SORL1: variants seen among roughly 807,000 people sequenced by gnomAD.
The protein encoded by SORL1 is sortilin related receptor 1, also known as sortilin-related receptor.
SORL1 carries 127 observed loss-of-function variants against 273.7 expected under a neutral mutation model. That is an observed-to-expected ratio of 0.46 (90% CI 0.40 to 0.54). The LOEUF (loss-of-function observed/expected upper bound fraction) is 0.54. SORL1 is among the 20% of genes least tolerant of loss of function. The probability of loss-of-function intolerance (pLI) is 0.00; values close to 1 mark genes in which losing one functional copy is unlikely to be tolerated. For synonymous variants in SORL1, 1,031 were observed against 1,067.4 expected (o/e 0.97, Z 0.66); for missense variants, 2,494 against 2,846.1 (o/e 0.88, Z 2.81).
At chr11:121,541,485 C>T (rs1372873071) in intron 12 of SORL1, among the ~76,000 whole-genome samples, 5 of 152,206 alleles carry the variant, frequency 3.3e-5, no homozygotes, top group African/African-American at 9.7e-5. Context: ...GCTGGGATTA[C>T]AGGCATGTGC....
At chr11:121,543,406 C>T (rs1862376787) in intron 12 of SORL1, 142 bp from the exon 13 acceptor site, 2 of 655,636 alleles carry the variant, frequency 3.1e-6, no homozygotes, top group Admixed American at 5.1e-5. Flanking sequence ...TGAGCATTTC[C>T]TTAAACTTTC....
rs140677876 is a variant in SORL1, at chr11:121,555,682, TATA to T, written c.2571+367_2571+369del. Among the ~76,000 whole-genome samples, 1,663 of 152,318 alleles carry T rather than the reference TATA, an allele frequency of 0.011. 58 individuals are homozygous for T. The East Asian group carries it at 0.13, about 12-fold the overall frequency. On this transcript the variant is annotated intron_variant, in intron 18 of 47. Transcript: ENST00000260197. ...CATCAGCCTAATATCATGGTATTAT[TATA>T]ATGCTATAACAATAATCGTCTAGTA...
chr11:121,579,462 C>T (rs1049181660), intron 25 of SORL1, among the ~76,000 whole-genome samples: 7 of 152,188 alleles, frequency 4.6e-5, no homozygotes, highest in South Asian at 4.1e-4. Context: ...CTTTTCTTTT[C>T]GCCACTTTTA....
intron 1 of SORL1, among the ~76,000 whole-genome samples, chr11:121,458,916 G>A (rs978803762): frequency 3.3e-5 from 5 of 152,126 alleles, no homozygotes; most frequent in Non-Finnish European, 7.3e-5. Flanking sequence ...ACTGCGTAAC[G>A]ATCACAAGTA....
intron 32 of SORL1, among the ~76,000 whole-genome samples, chr11:121,601,833 C>A (rs903660919): frequency 1.3e-5 from 2 of 152,132 alleles, no homozygotes; most frequent in Non-Finnish European, 2.9e-5. Context: ...TATATTTGAC[C>A]ACATTGTTAC....
intron 43 of SORL1, among the ~76,000 whole-genome samples, chr11:121,620,627 C>T (rs1308442465): frequency 6.6e-6 from 1 of 152,142 alleles, no homozygotes; most frequent in East Asian, 1.9e-4. Context: ...CCCCCCTATA[C>T]CCAGAAGCAG....
chr11:121,552,844 G>A (rs973476378), intron 16 of SORL1, among the ~76,000 whole-genome samples: 12 of 152,168 alleles, frequency 7.9e-5, no homozygotes, highest in African/African-American at 2.9e-4. Flanking sequence ...AAAGAATTCC[G>A]ATTTGCATCT....
At chr11:121,478,371 G>A (rs1226391586) in intron 3 of SORL1, 128 bp downstream of exon 3, 1 of 1,106,138 alleles carries the variant, frequency 9.0e-7, no homozygotes, top group African/African-American at 1.6e-5. Flanking sequence ...TGGCTAGTGA[G>A]TTTTTGTGCT....
intron 41 of SORL1, among the ~76,000 whole-genome samples, chr11:121,617,372 G>C (rs983664460): frequency 6.6e-6 from 1 of 152,200 alleles, no homozygotes; most frequent in Non-Finnish European, 1.5e-5. Flanking sequence ...ATAATGTTAT[G>C]CCAGAGTCAA....
intron 37 of SORL1, among the ~76,000 whole-genome samples, chr11:121,607,558 T>C (rs977895285): frequency 6.6e-6 from 1 of 152,226 alleles, no homozygotes; most frequent in Non-Finnish European, 1.5e-5. Flanking sequence ...GGTATTCTGC[T>C]AGCTTTCCAG....
intron 1 of SORL1, among the ~76,000 whole-genome samples, chr11:121,463,421 AACAGTAG>A (rs1861034156): frequency 6.6e-6 from 1 of 152,180 alleles, no homozygotes; most frequent in Non-Finnish European, 1.5e-5. Context: ...CACAGAGGTA[AACAGTAG>A]ATAGGTTCTC....
In SORL1 at chr11:121,606,828, G is replaced by A; in HGVS notation, c.4949-17G>A. The A allele has an allele frequency of 6.3e-7, 1 of 1,595,762 alleles. No homozygotes were observed. The highest frequency in any genetic ancestry group is 1.3e-5 in the African/African-American group (1 of 74,542). On this transcript the variant is annotated splice_polypyrimidine_tract_variant and intron_variant, in intron 35 of 47. Transcript: ENST00000260197. ...CTATGCAGATGGGTTTTAACCTTGA[G>A]TTGACTCTTTTTCTAGTGCCAGATG...
At chr11:121,463,275 A>G (rs2134772050) in intron 1 of SORL1, among the ~76,000 whole-genome samples, 1 of 151,612 alleles carries the variant, frequency 6.6e-6, no homozygotes, top group South Asian at 2.1e-4. Flanking sequence ...TTTTTTGCCA[A>G]CTGGTAAATT....
At chr11:121,592,504 C>G (rs1193599127) in intron 31 of SORL1, among the ~76,000 whole-genome samples, 1 of 152,214 alleles carries the variant, frequency 6.6e-6, no homozygotes, top group Non-Finnish European at 1.5e-5. Context: ...TTCACTGATT[C>G]CTTTAAATGA....
chr11:121,613,070 T>C (rs569761939), intron 40 of SORL1, among the ~76,000 whole-genome samples: 4 of 152,316 alleles, frequency 2.6e-5, no homozygotes, highest in Non-Finnish European at 4.4e-5. Context: ...TTAGTGGAAG[T>C]TGGGGGCCAT....
At chr11:121,585,356 G>A (rs1007478558) in intron 26 of SORL1, among the ~76,000 whole-genome samples, 10 of 152,132 alleles carry the variant, frequency 6.6e-5, no homozygotes, top group Non-Finnish European at 1.2e-4. Flanking sequence ...AGTGGCGCAC[G>A]CCTGTGGTCC....
chr11:121,611,274 A>C (rs1191826794), intron 39 of SORL1, 116 bp downstream of exon 39: 6 of 709,890 alleles, frequency 8.5e-6, no homozygotes, highest in Non-Finnish European at 9.6e-6. Flanking sequence ...AAAAAAACGA[A>C]CGGCTAGATC....
chr11:121,517,763 G>A (rs899438415), intron 8 of SORL1, among the ~76,000 whole-genome samples: 1 of 152,150 alleles, frequency 6.6e-6, no homozygotes, highest in Non-Finnish European at 1.5e-5. Flanking sequence ...GTCCCACTCA[G>A]TTTTCTCATT....
At chr11:121,557,022 A>G in intron 18 of SORL1, 1 of 396,308 alleles carries the variant, frequency 2.5e-6, no homozygotes, top group Non-Finnish European at 4.6e-6. Flanking sequence ...TACTTATTTG[A>G]GTAATTTACT....
Sources: allele counts gnomAD v4.1 joint callset (sites outside exome capture counted in the v4.1 genomes callset), GRCh38; gene constraint gnomAD v4.1.1; transcripts MANE v1.5; gene names NCBI Gene and HGNC (gene_info 2026-07-23, HGNC 2026-07-21).